Variants in LRRFIP1 observed in about 807,000 individuals in gnomAD.
The protein encoded by LRRFIP1 is LRR binding FLII interacting protein 1, also known as leucine-rich repeat flightless-interacting protein 1.
In LRRFIP1, 62 loss-of-function variants were observed where a neutral mutation model predicts 104.4. That is an observed-to-expected ratio of 0.59 (90% CI 0.48 to 0.73). The LOEUF is 0.73. Among genes scored for constraint, LRRFIP1 ranks in the 30% least tolerant of loss-of-function variants. The probability of loss-of-function intolerance (pLI) is 0.00; values close to 1 mark genes in which losing one functional copy is unlikely to be tolerated. For missense variants in LRRFIP1, 796 were observed against 824.5 expected, an observed-to-expected ratio of 0.97 and a Z score of 0.42; for synonymous variants, 300 against 299.0, an observed-to-expected ratio of 1.00 and a Z score of -0.03.
intron 2 of LRRFIP1, among the ~76,000 whole-genome samples, chr2:237,712,680 C>T (rs909969252): frequency 4.6e-5 from 7 of 152,116 alleles, no homozygotes; most frequent in Admixed American, 2.0e-4. Context: ...CGCTCACACA[C>T]GTGAGCATCT....
chr2:237,727,206 A>G (rs2094791401), intron 7 of LRRFIP1, among the ~76,000 whole-genome samples: 1 of 152,098 alleles, frequency 6.6e-6, no homozygotes, highest in South Asian at 2.1e-4. Context: ...AAATGCAAAA[A>G]TTAGCCGGGC....
At chr2:237,630,165 T>C (rs2082151418) in intron 1 of LRRFIP1, among the ~76,000 whole-genome samples, 1 of 152,208 alleles carries the variant, frequency 6.6e-6, no homozygotes, top group Admixed American at 6.5e-5. Flanking sequence ...CACAGATTGA[T>C]AGGGTTGGAG....
Position 237,762,617 on chromosome 2 carries a change from G to A in LRRFIP1, c.1459+2412G>A, listed in dbSNP as rs754331395. 3.9e-5 allele frequency: 62 copies of A among 1,606,104 alleles called. 1 individual carries two copies. The South Asian group carries it at 6.8e-4, about 18-fold the overall frequency. On this transcript the variant is annotated intron_variant, in intron 19 of 23. Coordinates refer to ENST00000308482, the MANE Select transcript of LRRFIP1 (RefSeq NM_001137550.2). ...TGGTCTTTTAGGAAGAGCCAGTGAA[G>A]TGGAGGTGAAAAATGAAATCGTGGC...
At chr2:237,757,629 C>T in intron 17 of LRRFIP1, 81 bp downstream of exon 17, 2 of 1,012,372 alleles carry the variant, frequency 2.0e-6, no homozygotes, top group East Asian at 5.2e-5. Flanking sequence ...CTTTAGTTTG[C>T]AAAACCGCTT....
At chr2:237,636,456 GT>G (rs1000424198) in intron 1 of LRRFIP1, among the ~76,000 whole-genome samples, 3 of 148,982 alleles carry the variant, frequency 2.0e-5, no homozygotes, top group East Asian at 2.0e-4. Context: ...GAATTGCTAA[GT>G]TTTTTTATTG....
At chr2:237,777,056 A>G (rs889225729) in intron 23 of LRRFIP1, among the ~76,000 whole-genome samples, 4 of 152,098 alleles carry the variant, frequency 2.6e-5, no homozygotes, top group African/African-American at 9.7e-5. Context: ...TTAAAGTTGA[A>G]CACTATCTTT....
In LRRFIP1 at chr2:237,733,407, G is replaced by A. The variant is rs375506179; in HGVS notation, c.445-367G>A. 2.6e-5 allele frequency among the ~76,000 whole-genome samples: 4 copies of A among 152,168 alleles called. No individual in the cohort carries two copies. In the East Asian group the frequency reaches 5.8e-4, roughly 22 times the overall value. On this transcript the variant is annotated intron_variant, in intron 8 of 23. Coordinates refer to ENST00000308482, the MANE Select transcript of LRRFIP1 (RefSeq NM_001137550.2). ...CGTATTGAATACTGCCAAGTGTGTC[G>A]TTAACCTTGGATTTGAGCTGTGGGT...
intron 3 of LRRFIP1, 66 bp downstream of exon 3, chr2:237,714,342 A>G: frequency 1.5e-6 from 2 of 1,310,776 alleles, no homozygotes; most frequent in South Asian, 1.3e-5. Flanking sequence ...GGGCCTGGTC[A>G]CCTTTCAGAA....
In LRRFIP1 at chr2:237,739,314, G is replaced by A. The variant is rs1307700334; in HGVS notation, c.633+5G>A. The A allele has an allele frequency of 6.4e-7, 1 of 1,553,198 alleles. No homozygotes were observed. The highest frequency in any genetic ancestry group is 1.9e-5 in the Admixed American group (1 of 52,142). On this transcript the variant is annotated splice_donor_5th_base_variant and intron_variant, in intron 11 of 23. Transcript: ENST00000308482. ...TCGGCCCGGGCCAGCCCTGTGGTAA[G>A]TCGGCCTCCTGGCCTTGCTCCTACT... is the stretch of plus-strand genomic sequence containing the variant.
intron 14 of LRRFIP1, 42 bp downstream of exon 14, chr2:237,751,313 C>A: frequency 7.0e-7 from 1 of 1,419,702 alleles, no homozygotes; most frequent in Non-Finnish European, 9.6e-7. Flanking sequence ...ATTAACCCAA[C>A]TTAACTTAAA....
At chr2:237,712,069 G>A (rs1313753021) in intron 2 of LRRFIP1, among the ~76,000 whole-genome samples, 1 of 152,214 alleles carries the variant, frequency 6.6e-6, no homozygotes, top group Non-Finnish European at 1.5e-5. Flanking sequence ...TGGGGCGGGG[G>A]GACATCCCAG....
At chr2:237,707,415 A>C (rs1364205391) in intron 1 of LRRFIP1, among the ~76,000 whole-genome samples, 1 of 150,420 alleles carries the variant, frequency 6.6e-6, no homozygotes, top group Non-Finnish European at 1.5e-5. Flanking sequence ...CACACACTGC[A>C]CTTCAGCCTG....
Position 237,720,801 on chromosome 2 carries a change from G to A in LRRFIP1, c.324G>A (p.Val108=). Residue 108 remains valine (V), a synonymous_variant, in exon 6 of 24, where the codon GTG becomes GTA. Coordinates refer to ENST00000308482, the MANE Select transcript of LRRFIP1 (RefSeq NM_001137550.2). ...SASDEDERMS[V]GSRGSLRSQP... ...CTGATGAAGACGAGCGCATGTCAGTGGGTAGTCGTGGAAGCCTGAGGGTCA... is the reference window on the plus strand; with the variant it reads ...CTGATGAAGACGAGCGCATGTCAGTAGGTAGTCGTGGAAGCCTGAGGGTCA... The A allele has an allele frequency of 6.2e-7, 1 of 1,614,118 alleles. No individual in the cohort carries two copies. Among genetic ancestry groups the A allele is most frequent in the Non-Finnish European group, 8.5e-7 (1 of 1,179,968 alleles).
chr2:237,770,565 G>A lies in LRRFIP1; in HGVS notation c.1509+573G>A, dbSNP rs182181794. On this transcript the variant is annotated intron_variant, in intron 20 of 23. Coordinates refer to ENST00000308482, the MANE Select transcript of LRRFIP1 (RefSeq NM_001137550.2). ...TCGTAGCACTTTGGGAGGCCAAGGC[G>A]GGCGGATCACTTGAGGTCAGGAGTT... is the stretch of plus-strand genomic sequence containing the variant. The A allele has an allele frequency of 4.5e-3, 692 of 152,860 alleles. 6 individuals carry two copies. Among genetic ancestry groups the A allele is most frequent in the African/African-American group, 0.016 (660 of 41,544 alleles). The allele number at this position is 152,860 out of a possible 1,614,324, so 9.5% of individuals were successfully genotyped here.
chr2:237,733,878 C>A, intron 9 of LRRFIP1, 60 bp downstream of exon 9: 1 of 1,577,958 alleles, frequency 6.3e-7, no homozygotes, highest in South Asian at 1.1e-5. Flanking sequence ...GCACCGCCCC[C>A]ACCAAGCCCA....
At chr2:237,631,057 G>A (rs1309512362) in intron 1 of LRRFIP1, among the ~76,000 whole-genome samples, 1 of 152,252 alleles carries the variant, frequency 6.6e-6, no homozygotes, top group African/African-American at 2.4e-5. Context: ...CCTGTGACCT[G>A]TCAGACTCAT....
At chr2:237,754,491 A>G (rs1290226929) in intron 15 of LRRFIP1, among the ~76,000 whole-genome samples, 5 of 152,222 alleles carry the variant, frequency 3.3e-5, no homozygotes, top group Non-Finnish European at 4.4e-5. Context: ...AGCAAGGAAT[A>G]CTTTTTTCAT....
chr2:237,776,640 C>A (rs2061119415), intron 23 of LRRFIP1, among the ~76,000 whole-genome samples: 3 of 151,926 alleles, frequency 2.0e-5, no homozygotes, highest in Admixed American at 2.0e-4. Context: ...TGAGTTAAAC[C>A]TTTTATCACT....
chr2:237,769,791 C>G (rs1262744723), intron 19 of LRRFIP1, 152 bp from the exon 20 acceptor site: 15 of 660,884 alleles, frequency 2.3e-5, no homozygotes, highest in East Asian at 5.6e-5. Flanking sequence ...TCATTCACCC[C>G]GTCCTGTCTG....
Sources: allele counts gnomAD v4.1 joint callset (sites outside exome capture counted in the v4.1 genomes callset), GRCh38; gene constraint gnomAD v4.1.1; transcripts MANE v1.5; gene names NCBI Gene and HGNC (gene_info 2026-07-23, HGNC 2026-07-21).